SH3KBP1: variants seen among roughly 807,000 people sequenced by gnomAD.
The protein encoded by SH3KBP1 is SH3 domain containing kinase binding protein 1, also known as SH3 domain-containing kinase-binding protein 1.
In SH3KBP1, 8 loss-of-function variants were observed where a neutral mutation model predicts 50.1. The ratio of observed to expected loss-of-function variants is 0.16; its 90% CI spans 0.09 to 0.29. SH3KBP1 has a LOEUF of 0.29. SH3KBP1 is among the 10% of genes least tolerant of loss of function. The pLI is 1.00. For missense variants in SH3KBP1, 377 were observed against 535.2 expected (o/e 0.70, Z 2.92); for synonymous variants, 227 against 218.6 (o/e 1.04, Z -0.34).
Position 19,746,446 on chromosome X carries a change from G to A in SH3KBP1, c.163-5C>T. The A allele has an allele frequency of 8.4e-7, 1 of 1,197,370 alleles. No individual in the cohort carries two copies. Among genetic ancestry groups the A allele is most frequent in the Non-Finnish European group, 1.1e-6 (1 of 889,210 alleles). On this transcript the variant is annotated splice_region_variant and splice_polypyrimidine_tract_variant and intron_variant, in intron 2 of 17. Coordinates refer to ENST00000397821, the MANE Select transcript of SH3KBP1 (RefSeq NM_031892.3). ...CTTCATCTCTTTCTTTATTTCCTGT[G>A]AGGACAGATAAAAGGAAAACAAGAT...
chrX:19,862,830 T>C (rs1024744159), intron 1 of SH3KBP1, among the ~76,000 whole-genome samples: 7 of 112,088 alleles, frequency 6.2e-5, no homozygotes, highest in African/African-American at 2.3e-4. Flanking sequence ...ACTCCAGGGA[T>C]GGTGGATCAG....
intron 13 of SH3KBP1, among the ~76,000 whole-genome samples, chrX:19,554,411 TA>T (rs1265514945): frequency 6.0e-5 from 6 of 100,645 alleles, no homozygotes; most frequent in Non-Finnish European, 9.8e-5. Flanking sequence ...ATATATTATA[TA>T]TTTTTTTGAG....
chrX:19,887,466 G>A lies in SH3KBP1; in HGVS notation c.-156C>T. On this transcript the variant is annotated 5_prime_UTR_variant, in exon 1 of 18. Coordinates refer to ENST00000397821, the MANE Select transcript of SH3KBP1 (RefSeq NM_031892.3). Reference sequence around the variant, plus strand: ...CTTCTTCCTCAGTGGCGGCGGCGGCGGCTCAGCGCCGCCCGCTGCTGCCTC... The same window carrying A: ...CTTCTTCCTCAGTGGCGGCGGCGGCAGCTCAGCGCCGCCCGCTGCTGCCTC... 1 of 365,344 alleles carries A rather than the reference G, an allele frequency of 2.7e-6. No individual in the cohort carries two copies. The allele number at this position is 365,344 out of a possible 1,213,427, so 30.1% of individuals were successfully genotyped here.
chrX:19,741,428 T>A (rs1299650924), intron 3 of SH3KBP1, among the ~76,000 whole-genome samples: 1 of 112,625 alleles, frequency 8.9e-6, no homozygotes, highest in Non-Finnish European at 1.9e-5. Flanking sequence ...AAAAGCAGTT[T>A]ATCTTTGGGA....
At chrX:19,547,085 G>A (rs1041952141) in intron 14 of SH3KBP1, among the ~76,000 whole-genome samples, 2 of 109,550 alleles carry the variant, frequency 1.8e-5, no homozygotes, top group Admixed American at 9.7e-5. Context: ...CCCGGAGGTC[G>A]AGGGTGCAGT....
intron 2 of SH3KBP1, among the ~76,000 whole-genome samples, chrX:19,829,812 C>A (rs2067812796): frequency 1.8e-5 from 2 of 110,795 alleles, no homozygotes; most frequent in South Asian, 7.8e-4. Flanking sequence ...CCTGGAGCTG[C>A]TGGTTGCCCA....
At chrX:19,852,857 T>A (rs1430972204) in intron 1 of SH3KBP1, among the ~76,000 whole-genome samples, 1 of 111,003 alleles carries the variant, frequency 9.0e-6, no homozygotes, top group Non-Finnish European at 1.9e-5. Flanking sequence ...GAGTCAGGAA[T>A]GCATGATCGG....
intron 6 of SH3KBP1, among the ~76,000 whole-genome samples, chrX:19,682,960 G>C (rs1452058110): frequency 9.2e-6 from 1 of 108,354 alleles, no homozygotes; most frequent in African/African-American, 3.4e-5. Context: ...ACCTGAATTA[G>C]AGAGGTTGCC....
chrX:19,824,033 T>C (rs1213899616), intron 2 of SH3KBP1, among the ~76,000 whole-genome samples: 1 of 111,101 alleles, frequency 9.0e-6, no homozygotes, highest in Admixed American at 9.6e-5. Context: ...TTGGCCAGTC[T>C]GGTCTCGAAC....
intron 2 of SH3KBP1, among the ~76,000 whole-genome samples, chrX:19,788,269 C>CAAAAAAAAAAAAAAAAAA (rs1227301099): frequency 2.3e-4 from 6 of 25,585 alleles, no homozygotes; most frequent in African/African-American, 6.0e-4. Flanking sequence ...ATTCTATCTC[C>CAAAAAAAAAAAAAAAAAA]AAAAAAAAAA....
Position 19,534,097 on chromosome X carries a change from T to C in SH3KBP1, c.*2320A>G, listed in dbSNP as rs769650738. 2 of 110,041 alleles carry C rather than the reference T, an allele frequency of 1.8e-5. No homozygotes were observed. The highest frequency in any genetic ancestry group is 3.8e-5 in the Non-Finnish European group (2 of 52,935). 9.1% of individuals were successfully genotyped at this position (110,041 alleles called of 1,213,427 possible). On this transcript the variant is annotated 3_prime_UTR_variant, in exon 18 of 18. Coordinates refer to ENST00000397821, the MANE Select transcript of SH3KBP1 (RefSeq NM_031892.3). The stretch of plus-strand genomic sequence containing the variant: ...CTCCATAGATGCCTGGTCGAGTCCA[T>C]GCTGAATGCAAAATAATTTTTTTTT...
At chrX:19,615,788 G>A (rs951926328) in intron 8 of SH3KBP1, among the ~76,000 whole-genome samples, 1 of 112,049 alleles carries the variant, frequency 8.9e-6, no homozygotes, top group East Asian at 2.8e-4. Context: ...AGTGTCAGAA[G>A]CAATGCCTGG....
At chrX:19,584,690 C>G (rs956412295) in intron 12 of SH3KBP1, among the ~76,000 whole-genome samples, 2 of 111,306 alleles carry the variant, frequency 1.8e-5, no homozygotes, top group Admixed American at 9.7e-5. Flanking sequence ...TTTTCCTAAA[C>G]TTATGTACAG....
At chrX:19,667,292 T>C (rs967684026) in intron 6 of SH3KBP1, among the ~76,000 whole-genome samples, 2 of 111,791 alleles carry the variant, frequency 1.8e-5, no homozygotes, top group African/African-American at 6.5e-5. Context: ...TGCACAAATA[T>C]ATGAATGTAC....
chrX:19,778,758 C>A (rs888906637), intron 2 of SH3KBP1, among the ~76,000 whole-genome samples: 4 of 110,654 alleles, frequency 3.6e-5, no homozygotes, highest in African/African-American at 1.3e-4. Context: ...GCAGCAGGGG[C>A]TTCCAGGAGT....
chrX:19,608,196 G>A (rs949151734), intron 8 of SH3KBP1, 151 bp from the exon 9 acceptor site: 4 of 434,946 alleles, frequency 9.2e-6, no homozygotes, highest in African/African-American at 7.6e-5. Context: ...CAATGTCAGA[G>A]GGGAAAACAA....
chrX:19,693,286 A>C (rs1414594079), intron 5 of SH3KBP1, among the ~76,000 whole-genome samples: 2 of 111,736 alleles, frequency 1.8e-5, no homozygotes, highest in African/African-American at 6.5e-5. Context: ...GTGTTTTAGT[A>C]ACAATGGGGT....
chrX:19,783,705 G>A (rs56795926), intron 2 of SH3KBP1, among the ~76,000 whole-genome samples: 2,491 of 111,292 alleles, frequency 0.022, 71 homozygotes, highest in African/African-American at 0.077. Flanking sequence ...TATTCGAAAT[G>A]TCTATTCATA....
chrX:19,790,741 GATT>G (rs1409986305), intron 2 of SH3KBP1, among the ~76,000 whole-genome samples: 1 of 110,636 alleles, frequency 9.0e-6, no homozygotes, highest in Non-Finnish European at 1.9e-5. Flanking sequence ...ACTGTAACAT[GATT>G]ATAACATGTT....
Sources: gnomAD v4.1 joint callset for allele counts (sites outside exome capture counted in the v4.1 genomes callset) on GRCh38, gnomAD v4.1.1 for gene constraint, MANE v1.5 for transcripts, NCBI Gene and HGNC (gene_info 2026-07-23, HGNC 2026-07-21) for gene names.